The following PHF24 variants were observed in gnomAD, a reference collection of about 807,000 sequenced individuals.
PHF24 encodes PHD finger protein 24.
In PHF24, 25 loss-of-function variants were observed where a neutral mutation model predicts 42.6. The ratio of observed to expected loss-of-function variants is 0.59; its 90% CI spans 0.43 to 0.82. The LOEUF (loss-of-function observed/expected upper bound fraction) is 0.82, where lower values mean the gene tolerates loss of function less well. Ranked by LOEUF, PHF24 falls within the 40% of genes least tolerant of loss-of-function variation. The pLI, the probability that PHF24 is intolerant of heterozygous loss-of-function variation, is 0.00. For missense variants in PHF24, 470 were observed against 538.1 expected (o/e 0.87, Z 1.25); for synonymous variants, 185 against 204.8 (o/e 0.90, Z 0.83).
exon 8 of PHF24, chr9:34,978,182 C>A: frequency 2.5e-6 from 3 of 1,178,794 alleles, no homozygotes; most frequent in Non-Finnish European, 2.5e-6. Context: ...CTTCCCCCAC[C>A]AACCTCTGGC....
the PHF24 span, among the ~76,000 whole-genome samples, chr9:34,898,075 T>C: frequency 2.0e-5 from 3 of 152,238 alleles, no homozygotes; most frequent in South Asian, 6.2e-4. Flanking sequence ...ACTCATTGAC[T>C]GATGGGCATT....
chr9:34,670,415 C>T, the PHF24 span, among the ~76,000 whole-genome samples: 1 of 152,276 alleles, frequency 6.6e-6, no homozygotes, highest in East Asian at 1.9e-4. Flanking sequence ...GCTAACTCTA[C>T]GTGGCTAGTG....
the PHF24 span, among the ~76,000 whole-genome samples, chr9:34,872,539 T>C: frequency 6.6e-6 from 1 of 150,454 alleles, no homozygotes; most frequent in African/African-American, 2.5e-5. Context: ...CATGAACTCA[T>C]CATTTTTTAT....
the PHF24 span, among the ~76,000 whole-genome samples, chr9:34,687,819 G>T: frequency 3.9e-5 from 6 of 152,068 alleles, no homozygotes; most frequent in Non-Finnish European, 8.8e-5. Flanking sequence ...TGCGGGGCAC[G>T]GGGTCCACAG....
chr9:34,713,878 T>C, the PHF24 span, among the ~76,000 whole-genome samples: 1 of 151,984 alleles, frequency 6.6e-6, no homozygotes, highest in Non-Finnish European at 1.5e-5. Flanking sequence ...TATGACAGGA[T>C]AGGGAAACCA....
chr9:34,709,775 A>AG, the PHF24 span: 17 of 1,613,300 alleles, frequency 1.1e-5, no homozygotes, highest in Non-Finnish European at 1.4e-5. Flanking sequence ...GTGTCCACTC[A>AG]CAGGATAGCT....
chr9:34,799,566 T>C, the PHF24 span, among the ~76,000 whole-genome samples: 1 of 152,202 alleles, frequency 6.6e-6, no homozygotes, highest in Non-Finnish European at 1.5e-5. Context: ...ACCTTTGTGG[T>C]CCAGACCAAT....
chr9:34,728,173 A>C, the PHF24 span: 1 of 1,175,432 alleles, frequency 8.5e-7, no homozygotes. Flanking sequence ...GACTCTCATC[A>C]AGAAAAGACT....
chr9:34,947,727 ACT>A, the PHF24 span, among the ~76,000 whole-genome samples: 6 of 151,902 alleles, frequency 3.9e-5, no homozygotes, highest in African/African-American at 1.5e-4. Context: ...AATGATCCTG[ACT>A]CTGTGTAGGC....
At chr9:34,704,064 G>C in the PHF24 span, among the ~76,000 whole-genome samples, 1 of 150,924 alleles carries the variant, frequency 6.6e-6, no homozygotes, top group Non-Finnish European at 1.5e-5. Context: ...GTGGGGTATT[G>C]CTCCACTATG....
At chr9:34,765,143 G>A in the PHF24 span, among the ~76,000 whole-genome samples, 2 of 151,488 alleles carry the variant, frequency 1.3e-5, no homozygotes, top group African/African-American at 2.4e-5. Flanking sequence ...TTTGGAATAG[G>A]TGTGGTGTGG....
the PHF24 span, among the ~76,000 whole-genome samples, chr9:34,766,097 TG>T: frequency 1.3e-5 from 2 of 152,206 alleles, no homozygotes; most frequent in Admixed American, 1.3e-4. Flanking sequence ...CTTCCCTTTG[TG>T]GGTAACCTGA....
At chr9:34,787,441 G>T in the PHF24 span, among the ~76,000 whole-genome samples, 1 of 152,138 alleles carries the variant, frequency 6.6e-6, no homozygotes, top group African/African-American at 2.4e-5. Context: ...GGAAGATATT[G>T]GTGGAAGCTG....
the PHF24 span, among the ~76,000 whole-genome samples, chr9:34,847,297 C>A: frequency 0.36 from 54,456 of 151,916 alleles, 10,121 homozygotes; most frequent in East Asian, 0.66. Context: ...TTGTAGTTCT[C>A]CTTGAAGAGG....
the PHF24 span, among the ~76,000 whole-genome samples, chr9:34,944,389 A>G: frequency 6.6e-6 from 1 of 152,160 alleles, no homozygotes. Flanking sequence ...TGTCTCCCTT[A>G]TCAGGTCTAT....
At chr9:34,896,931 G>A in the PHF24 span, among the ~76,000 whole-genome samples, 2 of 152,224 alleles carry the variant, frequency 1.3e-5, no homozygotes, top group East Asian at 3.9e-4. Context: ...TGAGGCAGGC[G>A]GATCACCTGA....
chr9:34,710,074 G>A, the PHF24 span: 1 of 1,613,030 alleles, frequency 6.2e-7, no homozygotes, highest in South Asian at 1.1e-5. Flanking sequence ...CATGTCTGTG[G>A]TAGAGGGTGA....
At chr9:34,683,754 T>C in the PHF24 span, among the ~76,000 whole-genome samples, 1 of 152,302 alleles carries the variant, frequency 6.6e-6, no homozygotes, top group East Asian at 1.9e-4. Context: ...TGAAATATGG[T>C]CTAGAAGAAA....
chr9:34,882,592 A>G, the PHF24 span, among the ~76,000 whole-genome samples: 1 of 149,810 alleles, frequency 6.7e-6, no homozygotes, highest in Non-Finnish European at 1.5e-5. Flanking sequence ...GAGCCAAATC[A>G]TGAGTGAACT....
Sources: allele counts gnomAD v4.1 joint callset (sites outside exome capture counted in the v4.1 genomes callset), GRCh38; gene constraint gnomAD v4.1.1; transcripts MANE v1.5; gene names NCBI Gene and HGNC (gene_info 2026-07-23, HGNC 2026-07-21).